The following KLHL29 variants were observed in gnomAD, a reference collection of about 807,000 sequenced individuals.
The protein encoded by KLHL29 is kelch-like protein 29.
A neutral mutation model predicts 80.4 loss-of-function variants in KLHL29; 21 were observed. The observed-to-expected ratio is 0.26, with a 90% CI of 0.19 to 0.38. The LOEUF (loss-of-function observed/expected upper bound fraction) is 0.38. Among genes scored for constraint, KLHL29 ranks in the 10% least tolerant of loss-of-function variants. The pLI is 1.00. For synonymous variants in KLHL29, 511 were observed against 526.8 expected (o/e 0.97, Z 0.41); for missense variants, 867 against 1,223.9 (o/e 0.71, Z 4.35).
chr2:23,654,179 TA>T (rs112929224), intron 5 of KLHL29, among the ~76,000 whole-genome samples: 23 of 146,342 alleles, frequency 1.6e-4, no homozygotes, highest in East Asian at 1.2e-3. Flanking sequence ...AAAATAAATT[TA>T]AAAAAAAAAA....
At chr2:23,472,846 A>T (rs964969605) in intron 1 of KLHL29, among the ~76,000 whole-genome samples, 1 of 152,232 alleles carries the variant, frequency 6.6e-6, no homozygotes, top group Non-Finnish European at 1.5e-5. Flanking sequence ...ATTCAGATGT[A>T]TCTGATTCCA....
At position 23,562,093 on chromosome 2, in the gene KLHL29, T is replaced by A; in HGVS notation, c.-45-59T>A. 7.4e-7 allele frequency: 1 copy of A among 1,344,948 alleles called. No homozygotes were observed. The highest frequency in any genetic ancestry group is 1.0e-6 in the Non-Finnish European group (1 of 980,348). 83.3% of individuals were successfully genotyped at this position (1,344,948 alleles called of 1,614,324 possible). On this transcript the variant is annotated intron_variant, in intron 2 of 13. Coordinates refer to ENST00000486442, the MANE Select transcript of KLHL29 (RefSeq NM_052920.2). This position sits in a 1 kb window ranked among gnomAD's most constrained non-coding sequence, Gnocchi z 4.5. The stretch of plus-strand genomic sequence containing the variant: ...CAGAGAAGGGGCTTCATGGATGCTG[T>A]CAGTTGTCGCTGCCTGCTCCAGTCC...
intron 1 of KLHL29, among the ~76,000 whole-genome samples, chr2:23,435,078 C>G (rs1005105010): frequency 6.6e-6 from 1 of 152,122 alleles, no homozygotes; most frequent in African/African-American, 2.4e-5. Flanking sequence ...GAGGCCTGAA[C>G]TGGGTGTGAT....
At chr2:23,693,796 C>A (rs892971545) in intron 8 of KLHL29, among the ~76,000 whole-genome samples, 2 of 152,320 alleles carry the variant, frequency 1.3e-5, no homozygotes, top group Admixed American at 1.3e-4. Context: ...CCAGGGGGCT[C>A]TGGGGCTCCC....
chr2:23,543,388 G>A (rs532046737), intron 2 of KLHL29, among the ~76,000 whole-genome samples: 4 of 152,178 alleles, frequency 2.6e-5, no homozygotes, highest in Non-Finnish European at 4.4e-5. Context: ...TCCCCGGGAT[G>A]TGCGGGAGGG....
At chr2:23,496,363 A>G (rs1665265703) in intron 2 of KLHL29, among the ~76,000 whole-genome samples, 1 of 152,244 alleles carries the variant, frequency 6.6e-6, no homozygotes, top group South Asian at 2.1e-4. Flanking sequence ...CCACCTCTGA[A>G]CTTAAGAGCT....
At chr2:23,587,952 CAT>C (rs1390626576) in intron 3 of KLHL29, among the ~76,000 whole-genome samples, 1 of 152,210 alleles carries the variant, frequency 6.6e-6, no homozygotes, top group Non-Finnish European at 1.5e-5. Flanking sequence ...CAATTTTTCT[CAT>C]GTGTCTTCCA....
rs1200444332 is a variant in KLHL29 at position 23,642,616 on chromosome 2, T to C, written c.706T>C (p.Ser236Pro). The C allele has an allele frequency of 6.5e-7, 1 of 1,549,854 alleles. No homozygotes were observed. The highest frequency in any genetic ancestry group is 8.7e-7 in the Non-Finnish European group (1 of 1,146,608). Residue 236 changes from serine to proline, a missense_variant, in exon 5 of 14, where the codon TCC becomes CCC. Physicochemically the swap from Ser to Pro is moderately conservative, Grantham distance 74. Coordinates refer to ENST00000486442, the MANE Select transcript of KLHL29 (RefSeq NM_052920.2). ...TGCCAGCCCTCAGCCCCTGGCCGTG[T>C]CCACACTGCCCGGTGTGGGGCAGGT... ...LYASPQPLAVSTLPGVGQVAR... is the reference protein window; with the variant it reads ...LYASPQPLAVPTLPGVGQVAR...
intron 5 of KLHL29, among the ~76,000 whole-genome samples, chr2:23,651,248 G>A (rs1434994342): frequency 1.3e-5 from 2 of 152,054 alleles, no homozygotes; most frequent in Non-Finnish European, 2.9e-5. Flanking sequence ...TATGTTCAAG[G>A]GAAGCCCAAG....
Position 23,680,392 on chromosome 2 carries a change from G to A in KLHL29, c.941-4007G>A, listed in dbSNP as rs1205560025. ...GTGGGGAAAGGGGCAAAGAGGCCTGGGACAAAAATCTGAGCATGGGGAAGC... is the reference window on the plus strand; with the variant it reads ...GTGGGGAAAGGGGCAAAGAGGCCTGAGACAAAAATCTGAGCATGGGGAAGC... On this transcript the variant is annotated intron_variant, in intron 5 of 13. Transcript: ENST00000486442. The surrounding 1 kb of genome is among the most constrained non-coding windows in gnomAD (Gnocchi z 4.1). Among the ~76,000 whole-genome samples the A allele has an allele frequency of 1.3e-5, 2 of 152,144 alleles. No homozygotes were observed. The highest frequency in any genetic ancestry group is 2.9e-5 in the Non-Finnish European group (2 of 68,006).
intron 2 of KLHL29, among the ~76,000 whole-genome samples, chr2:23,492,260 C>A (rs1368784335): frequency 3.3e-5 from 5 of 152,326 alleles, no homozygotes; most frequent in African/African-American, 1.2e-4. Context: ...GGACTGGCCC[C>A]CTTGACCTCC....
intron 1 of KLHL29, among the ~76,000 whole-genome samples, chr2:23,435,856 G>C (rs186867271): frequency 6.6e-6 from 1 of 150,422 alleles, no homozygotes; most frequent in East Asian, 2.0e-4. Flanking sequence ...CCAGGCTGTT[G>C]TGCTTAGCTA....
chr2:23,668,343 CA>C (rs1163194829), intron 5 of KLHL29: 5 of 152,282 alleles, frequency 3.3e-5, no homozygotes, highest in African/African-American at 1.2e-4. Context: ...AGAGACTAGT[CA>C]GATGCAGGCT....
chr2:23,440,100 T>G (rs1663468155), intron 1 of KLHL29, among the ~76,000 whole-genome samples: 1 of 152,180 alleles, frequency 6.6e-6, no homozygotes, highest in South Asian at 2.1e-4. Context: ...TTTGTTGGTT[T>G]AAAGTCTGTT....
intron 3 of KLHL29, among the ~76,000 whole-genome samples, chr2:23,620,584 G>C (rs1451513705): frequency 6.6e-6 from 1 of 152,170 alleles, no homozygotes; most frequent in Non-Finnish European, 1.5e-5. Context: ...AGCAGAGGGA[G>C]CTGACCCAGG....
intron 2 of KLHL29, among the ~76,000 whole-genome samples, chr2:23,512,400 G>A (rs1387336922): frequency 6.6e-6 from 1 of 151,432 alleles, no homozygotes; most frequent in Non-Finnish European, 1.5e-5. Flanking sequence ...AGCAGAGATC[G>A]CGCCATTGCA....
chr2:23,595,930 T>C (rs1668383400), intron 3 of KLHL29, among the ~76,000 whole-genome samples: 1 of 152,170 alleles, frequency 6.6e-6, no homozygotes, highest in African/African-American at 2.4e-5. Flanking sequence ...CTCTCCTGCA[T>C]CCCCATCCCA....
intron 1 of KLHL29, among the ~76,000 whole-genome samples, chr2:23,451,182 G>A (rs1013448034): frequency 6.6e-6 from 1 of 152,108 alleles, no homozygotes; most frequent in Non-Finnish European, 1.5e-5. Flanking sequence ...TTGTTTTTAG[G>A]TAAGTGACTT....
chr2:23,454,724 T>C (rs985251559), intron 1 of KLHL29, among the ~76,000 whole-genome samples: 8 of 152,166 alleles, frequency 5.3e-5, no homozygotes, highest in African/African-American at 2.4e-5. Flanking sequence ...TCCTGTTTTT[T>C]GCTATTCCTC....
Sources: allele counts gnomAD v4.1 joint callset (sites outside exome capture counted in the v4.1 genomes callset), GRCh38; gene constraint gnomAD v4.1.1; non-coding constraint Gnocchi (gnomAD v3.1); transcripts MANE v1.5; gene names NCBI Gene and HGNC (gene_info 2026-07-23, HGNC 2026-07-21).